Variants in MROH7 observed in about 807,000 individuals in gnomAD.
MROH7 encodes the protein maestro heat like repeat family member 7.
MROH7 carries 113 observed loss-of-function variants against 129.2 expected under a neutral mutation model. The ratio of observed to expected loss-of-function variants is 0.87; its 90% confidence interval spans 0.75 to 1.02. MROH7 has a LOEUF of 1.02. Ranked by LOEUF, MROH7 falls within the 50% of genes least tolerant of loss-of-function variation. The pLI, the probability that MROH7 is intolerant of heterozygous loss-of-function variation, is 0.00. For missense variants in MROH7, 1,601 were observed against 1,671.3 expected (o/e 0.96, Z 0.73); for synonymous variants, 655 against 667.9 (o/e 0.98, Z 0.30).
chr1:54,687,797 T>A (rs1016301836), intron 15 of MROH7, among the ~76,000 whole-genome samples: 1 of 152,132 alleles, frequency 6.6e-6, no homozygotes, highest in Non-Finnish European at 1.5e-5. Flanking sequence ...ATATTAGAGT[T>A]AAAAAATTGG....
At chr1:54,685,419 G>A (rs1246023683) in intron 14 of MROH7, among the ~76,000 whole-genome samples, 4 of 152,242 alleles carry the variant, frequency 2.6e-5, no homozygotes, top group Admixed American at 6.5e-5. Context: ...GGGGCTGGCC[G>A]GATGATGATC....
At chr1:54,668,543 AT>A (rs1484247342) in intron 4 of MROH7, among the ~76,000 whole-genome samples, 1 of 152,092 alleles carries the variant, frequency 6.6e-6, no homozygotes, top group Non-Finnish European at 1.5e-5. Context: ...TAATGGTGCA[AT>A]TTCAGGTTGA....
At chr1:54,667,629 T>C (rs1228410637) in intron 4 of MROH7, among the ~76,000 whole-genome samples, 1 of 152,098 alleles carries the variant, frequency 6.6e-6, no homozygotes, top group African/African-American at 2.4e-5. Context: ...CTAATTTTTG[T>C]ATTTTTAGTA....
chr1:54,668,983 C>A, intron 5 of MROH7, 46 bp downstream of exon 5: 1 of 1,394,792 alleles, frequency 7.2e-7, no homozygotes, highest in Non-Finnish European at 1.0e-6. Context: ...TGGGAGGGGG[C>A]AGAATTCCTG....
In MROH7 at chr1:54,647,695, G is replaced by A. The variant is rs1035664013; in HGVS notation, c.-109-4254G>A. Among the ~76,000 whole-genome samples, 85 of 151,210 alleles carry A rather than the reference G, an allele frequency of 5.6e-4. 1 individual carries two copies. The highest frequency in any genetic ancestry group is 2.0e-3 in the African/African-American group (81 of 40,988). On this transcript the variant is annotated intron_variant, in intron 1 of 23. Transcript: ENST00000421030. ...GCGGAGGTTGCAGTGAGCTGAGGTC[G>A]TGCCATTGCACTCCAGCCTGGGCAA...
chr1:54,673,212 GGGAGGGGAGGAAGGGT>G, intron 8 of MROH7, 26 bp downstream of exon 8: 1 of 1,559,680 alleles, frequency 6.4e-7, no homozygotes, highest in Non-Finnish European at 8.8e-7. Context: ...GGGCAAGGAA[GGGAGGGGAGGAAGGGT>G]GGAGGGAAGA....
chr1:54,685,296 C>T (rs1181792779), intron 14 of MROH7, among the ~76,000 whole-genome samples: 2 of 152,230 alleles, frequency 1.3e-5, no homozygotes, highest in African/African-American at 4.8e-5. Flanking sequence ...GCTGGGATTA[C>T]AGGCATGAGC....
chr1:54,657,093 G>A (rs1380615088), intron 3 of MROH7, among the ~76,000 whole-genome samples: 2 of 150,142 alleles, frequency 1.3e-5, no homozygotes, highest in African/African-American at 4.9e-5. Context: ...TGTTGCCCAG[G>A]CTGGAGTACA....
intron 3 of MROH7, among the ~76,000 whole-genome samples, chr1:54,662,282 T>C (rs531995130): frequency 5.3e-5 from 8 of 150,060 alleles, no homozygotes; most frequent in South Asian, 4.2e-4. Context: ...ATGCCTGTAA[T>C]CCCAGCACTT....
intron 17 of MROH7, chr1:54,698,828 T>A (rs1367363171): frequency 6.6e-6 from 1 of 151,564 alleles, no homozygotes; most frequent in African/African-American, 2.4e-5. Context: ...CGTTTCATTC[T>A]TGTCTCCCAG....
Position 54,653,140 on chromosome 1 carries a change from G to A in MROH7, c.214G>A (p.Ala72Thr). ...NDSLSPVSGE[A>T]SGLVSENTPR... The stretch of plus-strand genomic sequence containing the variant: ...TTCTTTGAGTCCAGTCTCAGGGGAG[G>A]CCTCAGGCCTGGTGTCTGAAAACAC... Residue 72 changes from alanine (A) to threonine (T), a missense_variant, in exon 3 of 24, where the codon GCC becomes ACC. Physicochemically the swap from Ala to Thr is moderately conservative, Grantham distance 58. Transcript: ENST00000421030. 1.9e-6 allele frequency: 3 copies of A among 1,614,200 alleles called. No individual in the cohort carries two copies. Among genetic ancestry groups the A allele is most frequent in the South Asian group, 1.1e-5 (1 of 91,082 alleles).
In MROH7 at chr1:54,653,345, G is replaced by T; in HGVS notation, c.419G>T (p.Ser140Ile). 6.2e-7 allele frequency: 1 copy of T among 1,614,180 alleles called. No homozygotes were observed. Among genetic ancestry groups the T allele is most frequent in the Non-Finnish European group, 8.5e-7 (1 of 1,180,036 alleles). The change falls in exon 3 of 24, where the codon AGC becomes ATC. Residue 140 changes from serine (S) to isoleucine (I), a missense_variant. Coordinates refer to ENST00000421030, the MANE Select transcript of MROH7 (RefSeq NM_001039464.4). ...SPSSTEAPRLSSGNHPQSNSE... is the reference protein window; with the variant it reads ...SPSSTEAPRLISGNHPQSNSE... ...AGCTCTACTGAGGCCCCTCGTCTGA[G>T]CTCTGGGAACCACCCTCAGTCAAAT...
At chr1:54,673,644 C>A (rs1214259729) in intron 8 of MROH7, 57 bp from the exon 9 acceptor site, 4 of 1,376,090 alleles carry the variant, frequency 2.9e-6, no homozygotes, top group African/African-American at 1.4e-5. Context: ...CCTGTCCACC[C>A]AGCAGCAGGG....
At chr1:54,676,853 C>T (rs189569760) in intron 10 of MROH7, among the ~76,000 whole-genome samples, 8 of 152,064 alleles carry the variant, frequency 5.3e-5, no homozygotes, top group Admixed American at 1.3e-4. Flanking sequence ...GGATTACAGG[C>T]ATGCACTACC....
chr1:54,691,473 T>C (rs17396326), intron 15 of MROH7, among the ~76,000 whole-genome samples: 2,328 of 152,284 alleles, frequency 0.015, 29 homozygotes, highest in Non-Finnish European at 0.022. Context: ...TGTTTAAATG[T>C]AAGCTTTATT....
rs752896053 is a variant in MROH7 at position 54,673,777 on chromosome 1, A to G, written c.1772A>G (p.Asn591Ser). 1 of 1,614,020 alleles carries G rather than the reference A, an allele frequency of 6.2e-7. No homozygotes were observed. Among genetic ancestry groups the G allele is most frequent in the South Asian group, 1.1e-5 (1 of 91,072 alleles). Residue 591 changes from asparagine (N) to serine (S), a missense_variant, in exon 9 of 24, where the codon AAC becomes AGC. By Grantham distance (46) the Asn-to-Ser change is conservative. Coordinates refer to ENST00000421030, the MANE Select transcript of MROH7 (RefSeq NM_001039464.4). ...RAVNTNVSVL[N>S]HMLLTLPFFM... ...GTGAACACCAATGTCTCTGTGTTGA[A>G]CCACATGCTTCTAACTCTGCCTTTC... is the stretch of plus-strand genomic sequence containing the variant.
intron 14 of MROH7, among the ~76,000 whole-genome samples, chr1:54,683,905 C>T (rs1266554951): frequency 1.3e-5 from 2 of 152,220 alleles, no homozygotes; most frequent in African/African-American, 4.8e-5. Flanking sequence ...TTTTGCGTCA[C>T]ATACTTTGTA....
intron 4 of MROH7, among the ~76,000 whole-genome samples, chr1:54,666,466 G>T (rs940360719): frequency 8.0e-6 from 1 of 125,408 alleles, no homozygotes; most frequent in East Asian, 2.4e-4. Context: ...GCAGGGTCTC[G>T]CTCTGTCACT....
At position 54,685,652 on chromosome 1, in the gene MROH7, C is replaced by T. The variant is rs115972303; in HGVS notation, c.2521-606C>T. On this transcript the variant is annotated intron_variant, in intron 14 of 23. Transcript: ENST00000421030. ...GAGAAGTTGCCCCAGGTCACCAGCC[C>T]TTGGGGGCAGAGCTGGCACTTGAGC... Among the ~76,000 whole-genome samples the T allele has an allele frequency of 3.7e-3, 556 of 152,302 alleles. 4 individuals are homozygous for T. Among genetic ancestry groups the T allele is most frequent in the Non-Finnish European group, 5.6e-3 (378 of 68,016 alleles).
Sources: gnomAD v4.1 joint callset for allele counts (sites outside exome capture counted in the v4.1 genomes callset) on GRCh38, gnomAD v4.1.1 for gene constraint, MANE v1.5 for transcripts, NCBI Gene and HGNC (gene_info 2026-07-23, HGNC 2026-07-21) for gene names.